The following SYNPO2 variants were observed in gnomAD, a reference collection of about 807,000 sequenced individuals.
SYNPO2 encodes the protein synaptopodin-2.
SYNPO2 carries 56 observed loss-of-function variants against 85.0 expected under a neutral mutation model. That is an observed-to-expected ratio of 0.66 (90% CI 0.53 to 0.82). The LOEUF is 0.82. SYNPO2 is among the 40% of genes least tolerant of loss of function. SYNPO2 has a pLI of 0.00. For missense variants in SYNPO2, 1,575 were observed against 1,534.2 expected, an observed-to-expected ratio of 1.03 and a Z score of -0.44; for synonymous variants, 602 against 591.1, an observed-to-expected ratio of 1.02 and a Z score of -0.27.
At chr4:119,036,838 A>G (rs1738532518) in intron 4 of SYNPO2, 2 of 1,072,642 alleles carry the variant, frequency 1.9e-6, no homozygotes, top group South Asian at 8.7e-5. Context: ...TTGAATAAAG[A>G]GAAATTTAAT....
At chr4:118,881,271 C>T (rs1480135655) in intron 1 of SYNPO2, among the ~76,000 whole-genome samples, 1 of 147,770 alleles carries the variant, frequency 6.8e-6, no homozygotes, top group Non-Finnish European at 1.5e-5. Context: ...CACTGGACTC[C>T]AGCCTGGGCG....
intron 1 of SYNPO2, among the ~76,000 whole-genome samples, chr4:118,891,916 G>T (rs773349956): frequency 2.6e-5 from 4 of 152,150 alleles, no homozygotes; most frequent in Non-Finnish European, 5.9e-5. Flanking sequence ...AAGCAGTTCT[G>T]TAGACAATAA....
intron 1 of SYNPO2, among the ~76,000 whole-genome samples, chr4:118,872,387 G>A (rs1184189048): frequency 6.6e-6 from 1 of 152,088 alleles, no homozygotes; most frequent in Non-Finnish European, 1.5e-5. Flanking sequence ...ATACCTGCAA[G>A]AACAAACTCC....
At position 118,990,279 on chromosome 4, in the gene SYNPO2, C is replaced by A. The variant is rs148358688; in HGVS notation, c.106-33151C>A. On this transcript the variant is annotated intron_variant, in intron 1 of 4. Coordinates refer to ENST00000307142, the MANE Select transcript of SYNPO2 (RefSeq NM_133477.3). ...CCCTCAGGAAATGTTCTATTCCTTT[C>A]TCTCACAAAGAAACGTGCAGTGCTG... is the stretch of plus-strand genomic sequence containing the variant. 2.5e-4 allele frequency among the ~76,000 whole-genome samples: 38 copies of A among 152,324 alleles called. No individual in the cohort carries two copies. In the East Asian group the frequency reaches 6.9e-3, roughly 28 times the overall value.
At chr4:119,018,253 T>C (rs534863363) in intron 1 of SYNPO2, among the ~76,000 whole-genome samples, 1 of 152,274 alleles carries the variant, frequency 6.6e-6, no homozygotes, top group African/African-American at 2.4e-5. Context: ...TCCACCTCCA[T>C]CCATGTTGTT....
intron 1 of SYNPO2, among the ~76,000 whole-genome samples, chr4:118,931,754 G>A (rs1733939952): frequency 6.6e-6 from 1 of 152,058 alleles, no homozygotes; most frequent in Non-Finnish European, 1.5e-5. Context: ...CCATTCCTTT[G>A]GCTAAATTGA....
chr4:118,922,718 A>T (rs1425962938), intron 1 of SYNPO2, among the ~76,000 whole-genome samples: 1 of 149,682 alleles, frequency 6.7e-6, no homozygotes, highest in Non-Finnish European at 1.5e-5. Context: ...GCATTTTCTG[A>T]TTTCTGTTAG....
intron 1 of SYNPO2, among the ~76,000 whole-genome samples, chr4:118,959,089 T>C (rs540069281): frequency 2.0e-5 from 3 of 152,216 alleles, no homozygotes; most frequent in Non-Finnish European, 2.9e-5. Context: ...TACAAAGTTG[T>C]TGGTAACACT....
rs1461283518 is a variant in SYNPO2 at position 119,031,819 on chromosome 4, C to T, written c.3044C>T (p.Ser1015Leu). ...CCTCCCCGGCCAGTGAATGCTGCCT[C>T]ACCTACGAATGTGCAGGCTTCGTCA... ...ALPPRPVNAASPTNVQASSVY... is the reference protein window; with the variant it reads ...ALPPRPVNAALPTNVQASSVY... Residue 1015 changes from serine (S) to leucine (L), a missense_variant, in exon 4 of 5, where the codon TCA becomes TTA. By Grantham distance (145) the Ser-to-Leu change is moderately radical. Around this residue, in one of 3 missense-constraint regions of SYNPO2, gnomAD observed 1,508 missense variants for 1,446.8 expected, o/e 1.04. Transcript: ENST00000307142. 6.2e-7 allele frequency: 1 copy of T among 1,614,248 alleles called. No homozygotes were observed. Among genetic ancestry groups the T allele is most frequent in the Non-Finnish European group, 8.5e-7 (1 of 1,180,046 alleles).
intron 4 of SYNPO2, among the ~76,000 whole-genome samples, chr4:119,052,795 A>G (rs1274080847): frequency 6.6e-6 from 1 of 152,232 alleles, no homozygotes; most frequent in Admixed American, 6.5e-5. Context: ...TAAGGTAACC[A>G]TTGAACTCTT....
At chr4:119,049,648 T>C (rs1257516226) in intron 4 of SYNPO2, among the ~76,000 whole-genome samples, 1 of 152,246 alleles carries the variant, frequency 6.6e-6, no homozygotes, top group Non-Finnish European at 1.5e-5. Context: ...GCATGTCAAG[T>C]GTTCCCTGCC....
chr4:118,992,157 T>G (rs1454259693), intron 1 of SYNPO2, among the ~76,000 whole-genome samples: 1 of 152,092 alleles, frequency 6.6e-6, no homozygotes, highest in Non-Finnish European at 1.5e-5. Context: ...GTGAAGACAT[T>G]TACATTTTGT....
chr4:119,060,947 C>A lies in SYNPO2; in HGVS notation c.*3013C>A, dbSNP rs1411430896. The stretch of plus-strand genomic sequence containing the variant: ...AATTATACACATTGGAAAGGGCCAA[C>A]CTATTAGGGCTCAAGTATGTATATG... On this transcript the variant is annotated 3_prime_UTR_variant, in exon 5 of 5. Transcript: ENST00000307142. 1 of 151,350 alleles carries A rather than the reference C, an allele frequency of 6.6e-6. No homozygotes were observed. The highest frequency in any genetic ancestry group is 2.4e-5 in the African/African-American group (1 of 41,026). The allele number at this position is 151,350 out of a possible 1,614,324, so 9.4% of individuals were successfully genotyped here.
intron 4 of SYNPO2, among the ~76,000 whole-genome samples, chr4:119,046,385 G>A (rs867568051): frequency 2.6e-5 from 4 of 152,204 alleles, no homozygotes; most frequent in African/African-American, 9.6e-5. Flanking sequence ...GAGGTCAGTG[G>A]CAATGTTTCT....
intron 1 of SYNPO2, among the ~76,000 whole-genome samples, chr4:118,945,933 T>G (rs1403427993): frequency 6.6e-6 from 1 of 151,842 alleles, no homozygotes; most frequent in East Asian, 1.9e-4. Context: ...GTTTGTAGAG[T>G]AGGGGTTTCA....
At chr4:118,922,002 A>G (rs1242270234) in intron 1 of SYNPO2, among the ~76,000 whole-genome samples, 1 of 152,180 alleles carries the variant, frequency 6.6e-6, no homozygotes, top group Non-Finnish European at 1.5e-5. Context: ...ATCTTTTTAT[A>G]GGACTGTTTT....
intron 4 of SYNPO2, among the ~76,000 whole-genome samples, chr4:119,048,226 G>A (rs1297629186): frequency 2.6e-5 from 4 of 152,186 alleles, no homozygotes; most frequent in African/African-American, 9.7e-5. Context: ...TGAAGGTGGT[G>A]GGGATAGTTC....
chr4:119,036,441 G>A, intron 4 of SYNPO2: 1 of 985,448 alleles, frequency 1.0e-6, no homozygotes, highest in Non-Finnish European at 1.2e-6. Context: ...CTTTGGTGTT[G>A]CCGAGTTAGT....
intron 1 of SYNPO2, among the ~76,000 whole-genome samples, chr4:118,936,060 C>A (rs1224970565): frequency 6.6e-6 from 1 of 152,180 alleles, no homozygotes; most frequent in Non-Finnish European, 1.5e-5. Context: ...TGAACCCATA[C>A]AGTTCAAACC....
Sources: allele counts gnomAD v4.1 joint callset (sites outside exome capture counted in the v4.1 genomes callset), GRCh38; gene constraint gnomAD v4.1.1; regional missense constraint gnomAD v4.1.1; transcripts MANE v1.5; gene names NCBI Gene and HGNC (gene_info 2026-07-23, HGNC 2026-07-21).